Variants in MEGF6 observed in about 807,000 individuals in gnomAD.
The protein encoded by MEGF6 is multiple epidermal growth factor-like domains protein 6.
MEGF6 carries 184 observed loss-of-function variants against 207.1 expected under a neutral mutation model. The ratio of observed to expected loss-of-function variants is 0.89; its 90% confidence interval spans 0.79 to 1.00. MEGF6 has a LOEUF of 1.00. MEGF6 is among the 50% of genes least tolerant of loss of function. MEGF6 has a pLI of 0.00. For missense variants in MEGF6, 2,282 were observed against 2,202.9 expected, an observed-to-expected ratio of 1.04 and a Z score of -0.72; for synonymous variants, 1,038 against 910.0, an observed-to-expected ratio of 1.14 and a Z score of -2.53.
chr1:3,604,523 C>T (rs1406428393), intron 1 of MEGF6, among the ~76,000 whole-genome samples: 3 of 152,168 alleles, frequency 2.0e-5, no homozygotes, highest in Non-Finnish European at 4.4e-5. Context: ...TCTTCCTGCA[C>T]CAGGAAGACA....
At chr1:3,524,955 T>C (rs1179156779) in intron 4 of MEGF6, among the ~76,000 whole-genome samples, 1 of 152,144 alleles carries the variant, frequency 6.6e-6, no homozygotes, top group Admixed American at 6.5e-5. Flanking sequence ...AGGAAGGTCC[T>C]CTCTATGGGT....
chr1:3,501,206 G>C lies in MEGF6; in HGVS notation c.2417C>G (p.Pro806Arg), dbSNP rs1640848028. 14 of 1,612,342 alleles carry C rather than the reference G, an allele frequency of 8.7e-6. No individual in the cohort carries two copies. The highest frequency in any genetic ancestry group is 1.1e-5 in the Non-Finnish European group (13 of 1,179,804). The change falls in exon 19 of 37, where the codon CCT becomes CGT. Residue 806 changes from proline (P) to arginine (R), a missense_variant. Transcript: ENST00000356575. The stretch of plus-strand genomic sequence containing the variant: ...CTGGCAGCGGCTGCCGACGAAGCCA[G>C]GGAGGCACAGGCAGGCTCCGGTCTC... ...DPETGACLCL[P>R]GFVGSRCQDV...
intron 4 of MEGF6, among the ~76,000 whole-genome samples, chr1:3,554,020 C>T (rs532670362): frequency 1.4e-4 from 21 of 152,294 alleles, no homozygotes; most frequent in Non-Finnish European, 2.4e-4. Context: ...CAGGGACAAG[C>T]GGGGGGCCCT....
At chr1:3,520,264 G>A (rs916619718) in intron 5 of MEGF6, among the ~76,000 whole-genome samples, 1 of 152,228 alleles carries the variant, frequency 6.6e-6, no homozygotes, top group Non-Finnish European at 1.5e-5. Context: ...GGTCATGCGC[G>A]GGCATCATGC....
At chr1:3,521,602 C>A (rs770693684) in intron 5 of MEGF6, among the ~76,000 whole-genome samples, 1 of 152,158 alleles carries the variant, frequency 6.6e-6, no homozygotes, top group Admixed American at 6.5e-5. Context: ...CCTGGCTTTG[C>A]CTGGGAGGTG....
At chr1:3,511,449 G>A (rs1557735547) in intron 9 of MEGF6, 101 bp downstream of exon 9, 4 of 1,388,712 alleles carry the variant, frequency 2.9e-6, no homozygotes, top group East Asian at 5.1e-5. Context: ...CAGGGAGACT[G>A]ACGAGGACCT....
chr1:3,592,038 A>G (rs946178800), intron 3 of MEGF6, among the ~76,000 whole-genome samples: 2 of 152,186 alleles, frequency 1.3e-5, no homozygotes, highest in Non-Finnish European at 2.9e-5. Context: ...GGCTCAGGTC[A>G]GGCCAGGCCA....
chr1:3,569,377 C>T (rs1040283013), intron 4 of MEGF6, among the ~76,000 whole-genome samples: 9 of 152,280 alleles, frequency 5.9e-5, no homozygotes, highest in African/African-American at 1.2e-4. Flanking sequence ...TGACTCCAAG[C>T]AACTCAAGAA....
In MEGF6 at chr1:3,560,523, C is replaced by G. The variant is rs1447915783; in HGVS notation, c.481+19302G>C. Among the ~76,000 whole-genome samples, 1 of 152,216 alleles carries G rather than the reference C, an allele frequency of 6.6e-6. No individual in the cohort carries two copies. The highest frequency in any genetic ancestry group is 1.5e-5 in the Non-Finnish European group (1 of 68,036). On this transcript the variant is annotated intron_variant, in intron 4 of 36. Coordinates refer to ENST00000356575, the MANE Select transcript of MEGF6 (RefSeq NM_001409.4). The surrounding 1 kb of genome is among the most constrained non-coding windows in gnomAD (Gnocchi z 4.0). ...GTCTCTACGGTGTGGCCTTTCCCAG[C>G]AGTGTGTGGCCTTGGACTGCTGTCC...
intron 1 of MEGF6, among the ~76,000 whole-genome samples, chr1:3,604,977 T>C (rs1435978163): frequency 6.6e-6 from 1 of 152,008 alleles, no homozygotes; most frequent in African/African-American, 2.4e-5. Flanking sequence ...CCAGGGCCAC[T>C]GCCCCACCCC....
chr1:3,535,949 C>T (rs1190368478), intron 4 of MEGF6, among the ~76,000 whole-genome samples: 2 of 152,206 alleles, frequency 1.3e-5, no homozygotes, highest in South Asian at 2.1e-4. Flanking sequence ...CCATGGCAGG[C>T]GCCAGGCAGA....
chr1:3,498,436 A>AGGC lies in MEGF6; in HGVS notation c.3284_3286dup (p.Gly1095_Leu1096insArg). 6.3e-7 allele frequency: 1 copy of AGGC among 1,580,798 alleles called. No individual in the cohort carries two copies. The highest frequency in any genetic ancestry group is 8.6e-7 in the Non-Finnish European group (1 of 1,165,432). On this transcript the variant is annotated inframe_insertion, in exon 26 of 37. Transcript: ENST00000356575. Reference sequence around the variant, plus strand: ...GCAGCGGCCCGTGTGCGGGTCACACAGGCCCCCGTTGAGGCAACCGCCGCT... The same window carrying AGGC: ...GCAGCGGCCCGTGTGCGGGTCACACAGGCGGCCCCCGTTGAGGCAACCGCCGCT...
intron 3 of MEGF6, among the ~76,000 whole-genome samples, chr1:3,590,434 A>G (rs969692444): frequency 9.2e-5 from 14 of 152,270 alleles, no homozygotes; most frequent in Non-Finnish European, 1.9e-4. Context: ...ACCCCACTGC[A>G]CCCGGGCCAC....
At chr1:3,543,209 C>G (rs1642584111) in intron 4 of MEGF6, among the ~76,000 whole-genome samples, 1 of 152,196 alleles carries the variant, frequency 6.6e-6, no homozygotes, top group East Asian at 1.9e-4. Flanking sequence ...TGTGCCAGCA[C>G]TCACTCAGAG....
intron 34 of MEGF6, 169 bp downstream of exon 34, chr1:3,493,602 G>T: frequency 1.1e-6 from 1 of 906,444 alleles, no homozygotes; most frequent in Non-Finnish European, 1.6e-6. Context: ...GGTACCGCAT[G>T]TCCCAGCAGC....
In MEGF6 at chr1:3,510,836, T is replaced by C. The variant is rs756613653; in HGVS notation, c.1181A>G (p.Glu394Gly). 6.2e-7 allele frequency: 1 copy of C among 1,610,898 alleles called. No individual in the cohort carries two copies. Among genetic ancestry groups the C allele is most frequent in the Admixed American group, 1.7e-5 (1 of 59,966 alleles). Residue 394 changes from glutamate to glycine, a missense_variant, in exon 10 of 37, where the codon GAG becomes GGG. Transcript: ENST00000356575. ...QVCTNNPGGYECGCYAGYRLS... is the reference protein window; with the variant it reads ...QVCTNNPGGYGCGCYAGYRLS... ...CCGGTAGCCGGCGTAGCAGCCGCACTCGTACCCGCCAGGGTTGTTGGTGCA... is the reference window on the plus strand; with the variant it reads ...CCGGTAGCCGGCGTAGCAGCCGCACCCGTACCCGCCAGGGTTGTTGGTGCA...
Position 3,541,564 on chromosome 1 carries a change from C to G in MEGF6, c.482-17318G>C, listed in dbSNP as rs531355765. On this transcript the variant is annotated intron_variant, in intron 4 of 36. Coordinates refer to ENST00000356575, the MANE Select transcript of MEGF6 (RefSeq NM_001409.4). ...TCCAAATCAGGCCCCCTTGCCCACT[C>G]GTTTCTCCCGTGCCTGGGCTCCGCG... Among the ~76,000 whole-genome samples, 6 of 152,288 alleles carry G rather than the reference C, an allele frequency of 3.9e-5. No homozygotes were observed. The South Asian group carries it at 1.2e-3, about 32-fold the overall frequency.
intron 3 of MEGF6, 66 bp downstream of exon 3, chr1:3,595,272 C>A (rs374236175): frequency 8.6e-7 from 1 of 1,168,020 alleles, no homozygotes; most frequent in South Asian, 1.3e-5. Flanking sequence ...GGGGCAGATT[C>A]ATGGCTCTGC....
At chr1:3,593,680 G>C (rs900553247) in intron 3 of MEGF6, among the ~76,000 whole-genome samples, 1 of 151,266 alleles carries the variant, frequency 6.6e-6, no homozygotes, top group Admixed American at 6.6e-5. Flanking sequence ...GTGGAAACCC[G>C]GGGGAGCCTT....
Sources: allele counts gnomAD v4.1 joint callset (sites outside exome capture counted in the v4.1 genomes callset), GRCh38; gene constraint gnomAD v4.1.1; non-coding constraint Gnocchi (gnomAD v3.1); transcripts MANE v1.5; gene names NCBI Gene and HGNC (gene_info 2026-07-23, HGNC 2026-07-21).